Variants in GLDC observed in about 807,000 individuals in gnomAD.
The protein encoded by GLDC is glycine decarboxylase, also known as glycine dehydrogenase (decarboxylating), mitochondrial.
In GLDC, 104 loss-of-function variants were observed where a neutral mutation model predicts 121.3. The ratio of observed to expected loss-of-function variants is 0.86; its 90% CI spans 0.73 to 1.01. GLDC has a LOEUF of 1.01. Ranked by LOEUF, GLDC falls within the 50% of genes least tolerant of loss-of-function variation. The probability of loss-of-function intolerance (pLI) is 0.00; values close to 1 mark genes in which losing one functional copy is unlikely to be tolerated. For synonymous variants in GLDC, 546 were observed against 480.6 expected (o/e 1.14, Z -1.78); for missense variants, 1,429 against 1,306.6 (o/e 1.09, Z -1.44).
intron 15 of GLDC, among the ~76,000 whole-genome samples, chr9:6,572,293 C>T (rs1375655507): frequency 6.6e-6 from 1 of 152,138 alleles, no homozygotes; most frequent in African/African-American, 2.4e-5. Flanking sequence ...AGTACAAATG[C>T]AATTCAGAAA....
At chr9:6,588,003 T>G (rs1220225403) in intron 14 of GLDC, among the ~76,000 whole-genome samples, 1 of 151,946 alleles carries the variant, frequency 6.6e-6, no homozygotes, top group Non-Finnish European at 1.5e-5. Flanking sequence ...TGAATCCCTA[T>G]CTTTCTGATA....
chr9:6,638,363 C>A (rs993031685), intron 2 of GLDC, among the ~76,000 whole-genome samples: 2 of 151,984 alleles, frequency 1.3e-5, no homozygotes, highest in Non-Finnish European at 2.9e-5. Context: ...TACAGGCATG[C>A]GCCACCACGC....
intron 3 of GLDC, 46 bp from the exon 4 acceptor site, chr9:6,610,402 A>T (rs1818828018): frequency 6.3e-7 from 1 of 1,593,224 alleles, no homozygotes. Flanking sequence ...TGCTGTTTAG[A>T]GAAGCACACA....
intron 11 of GLDC, among the ~76,000 whole-genome samples, chr9:6,590,701 A>G (rs1014572122): frequency 6.6e-6 from 1 of 152,226 alleles, no homozygotes; most frequent in Non-Finnish European, 1.5e-5. Flanking sequence ...AGGTACTCCA[A>G]TGCAAATGAA....
chr9:6,616,859 G>T (rs962569482), intron 3 of GLDC, among the ~76,000 whole-genome samples: 1 of 152,148 alleles, frequency 6.6e-6, no homozygotes, highest in African/African-American at 2.4e-5. Context: ...ATTGGGAAAG[G>T]GGGTTATGGG....
chr9:6,607,804 C>T (rs1211397417), intron 4 of GLDC, among the ~76,000 whole-genome samples: 1 of 151,380 alleles, frequency 6.6e-6, no homozygotes, highest in East Asian at 2.0e-4. Flanking sequence ...CATGTGCCAC[C>T]ATGCCCAGCC....
intron 2 of GLDC, among the ~76,000 whole-genome samples, chr9:6,637,006 C>T (rs1240324989): frequency 6.6e-6 from 1 of 152,040 alleles, no homozygotes; most frequent in African/African-American, 2.4e-5. Flanking sequence ...ATTGCTTGAA[C>T]CCAGGAGGCG....
rs1819066785 is a variant in GLDC, at chr9:6,620,390, C to A, written c.335-71G>T. The stretch of plus-strand genomic sequence containing the variant: ...AAGAGCTCTAATTACAGTTTAAATC[C>A]CTCATTTTGTTTGAGTATTTATGAC... On this transcript the variant is annotated intron_variant, in intron 2 of 24. Coordinates refer to ENST00000321612, the MANE Select transcript of GLDC (RefSeq NM_000170.3). The A allele has an allele frequency of 1.1e-5, 14 of 1,320,490 alleles. 1 individual carries two copies. In the South Asian group the frequency reaches 1.4e-4, roughly 13 times the overall value. 81.8% of individuals were successfully genotyped at this position (1,320,490 alleles called of 1,614,324 possible). A position where few individuals can be genotyped will look rare whatever the true frequency, so the allele number is the denominator to read the frequency against.
chr9:6,573,063 G>A (rs796468672), intron 15 of GLDC, among the ~76,000 whole-genome samples: 3 of 152,090 alleles, frequency 2.0e-5, no homozygotes, highest in African/African-American at 7.2e-5. Flanking sequence ...CATCTGTCAC[G>A]TGGACATAAT....
intron 21 of GLDC, chr9:6,542,257 G>C (rs1178973971): frequency 6.6e-6 from 1 of 152,202 alleles, no homozygotes; most frequent in Non-Finnish European, 1.5e-5. Flanking sequence ...AAGAAATTGA[G>C]ACACAGTTGA....
intron 2 of GLDC, among the ~76,000 whole-genome samples, chr9:6,622,369 G>A (rs1256249602): frequency 6.8e-6 from 1 of 146,658 alleles, no homozygotes; most frequent in African/African-American, 2.6e-5. Flanking sequence ...AGCCTGACGA[G>A]TGCCTGCGAT....
At chr9:6,609,332 A>C (rs1818802635) in intron 4 of GLDC, among the ~76,000 whole-genome samples, 1 of 152,190 alleles carries the variant, frequency 6.6e-6, no homozygotes, top group African/African-American at 2.4e-5. Flanking sequence ...GAAATAAACT[A>C]TATGTGTAAT....
intron 2 of GLDC, among the ~76,000 whole-genome samples, chr9:6,642,387 C>G (rs975604341): frequency 6.6e-6 from 1 of 151,844 alleles, no homozygotes; most frequent in Admixed American, 6.6e-5. Flanking sequence ...AAAAATTAGC[C>G]GGGCATGGTG....
intron 2 of GLDC, among the ~76,000 whole-genome samples, chr9:6,624,962 G>A (rs187444681): frequency 3.3e-5 from 5 of 151,162 alleles, no homozygotes; most frequent in Non-Finnish European, 4.4e-5. Flanking sequence ...CACTCCAACC[G>A]GGGCAACAGA....
At chr9:6,638,372 G>A (rs546468067) in intron 2 of GLDC, among the ~76,000 whole-genome samples, 4 of 151,994 alleles carry the variant, frequency 2.6e-5, no homozygotes, top group East Asian at 1.9e-4. Context: ...GCGCCACCAC[G>A]CCCAGGTAAT....
intron 17 of GLDC, 86 bp from the exon 18 acceptor site, chr9:6,556,388 G>T: frequency 9.4e-7 from 1 of 1,066,252 alleles, no homozygotes. Context: ...TTTAAAGGAT[G>T]AAGAAAGATG....
In GLDC at chr9:6,555,588, G is replaced by A. The variant is rs1003137242; in HGVS notation, c.2202+565C>T. 2.6e-5 allele frequency among the ~76,000 whole-genome samples: 4 copies of A among 151,986 alleles called. No homozygotes were observed. The East Asian group carries it at 7.7e-4, about 29-fold the overall frequency. Reference sequence around the variant, plus strand: ...GTTCAAGACCAGCCTGGGCAACACAGTGAAACCCCATCTCTACTAAAATAC... The same window carrying A: ...GTTCAAGACCAGCCTGGGCAACACAATGAAACCCCATCTCTACTAAAATAC... On this transcript the variant is annotated intron_variant, in intron 18 of 24. Coordinates refer to ENST00000321612, the MANE Select transcript of GLDC (RefSeq NM_000170.3).
chr9:6,563,196 T>C (rs538992667), intron 16 of GLDC, among the ~76,000 whole-genome samples: 3 of 152,234 alleles, frequency 2.0e-5, no homozygotes, highest in Non-Finnish European at 2.9e-5. Flanking sequence ...CCTTTCATTC[T>C]TTCTCCTTGG....
At chr9:6,544,606 T>C (rs149767175) in intron 21 of GLDC, among the ~76,000 whole-genome samples, 15 of 139,670 alleles carry the variant, frequency 1.1e-4, no homozygotes, top group Non-Finnish European at 1.7e-4. Context: ...ACCACTGGAC[T>C]CTAGCCTGGG....
Sources: gnomAD v4.1 joint callset for allele counts (sites outside exome capture counted in the v4.1 genomes callset) on GRCh38, gnomAD v4.1.1 for gene constraint, MANE v1.5 for transcripts, NCBI Gene and HGNC (gene_info 2026-07-23, HGNC 2026-07-21) for gene names.